Variants in DYNC2I1 observed in about 807,000 individuals in gnomAD.
The protein encoded by DYNC2I1 is dynein 2 intermediate chain 1.
DYNC2I1 carries 89 observed loss-of-function variants against 133.4 expected under a neutral mutation model. The ratio of observed to expected loss-of-function variants is 0.67; its 90% CI spans 0.56 to 0.80. The LOEUF is 0.80. Among genes scored for constraint, DYNC2I1 ranks in the 30% least tolerant of loss-of-function variants. DYNC2I1 has a pLI of 0.00. For missense variants in DYNC2I1, 1,291 were observed against 1,314.5 expected (o/e 0.98, Z 0.28); for synonymous variants, 504 against 484.3 (o/e 1.04, Z -0.54).
chr7:158,905,846 C>A, intron 10 of DYNC2I1, 143 bp from the exon 11 acceptor site: 1 of 645,468 alleles, frequency 1.5e-6, no homozygotes. Context: ...CTCTCAAATG[C>A]TTATGAAAGA....
Position 158,914,337 on chromosome 7 carries a change from A to G in DYNC2I1, c.1791+16A>G, listed in dbSNP as rs758003623. 33 of 1,599,654 alleles carry G rather than the reference A, an allele frequency of 2.1e-5. No individual in the cohort carries two copies. In the Middle Eastern group the frequency reaches 5.0e-4, roughly 24 times the overall value. On this transcript the variant is annotated intron_variant, in intron 14 of 24. Coordinates refer to ENST00000407559, the MANE Select transcript of DYNC2I1 (RefSeq NM_018051.5). Reference sequence around the variant, plus strand: ...TGCTTGTCAGGTATACTCAACCTATATATGTTGTGTTCTCTGTGTAAGTGC... The same window carrying G: ...TGCTTGTCAGGTATACTCAACCTATGTATGTTGTGTTCTCTGTGTAAGTGC...
At position 158,945,572 on chromosome 7, in the gene DYNC2I1, T is replaced by G; in HGVS notation, c.3003-9T>G. The G allele has an allele frequency of 1.3e-6, 2 of 1,597,958 alleles. No individual in the cohort carries two copies. Among genetic ancestry groups the G allele is most frequent in the Non-Finnish European group, 1.7e-6 (2 of 1,172,938 alleles). On this transcript the variant is annotated splice_polypyrimidine_tract_variant and intron_variant, in intron 24 of 24. Transcript: ENST00000407559. This position sits in a 1 kb window ranked among gnomAD's most constrained non-coding sequence, Gnocchi z 4.1. ...CACTGACCCTCTGCTTCTGCCCCTC[T>G]CCCTGCAGGCTGGTGGCCATGGCTG...
At chr7:158,885,974 A>G (rs1844557400) in intron 6 of DYNC2I1, among the ~76,000 whole-genome samples, 1 of 150,812 alleles carries the variant, frequency 6.6e-6, no homozygotes, top group Non-Finnish European at 1.5e-5. Flanking sequence ...ATTAAAATAT[A>G]AAACATTTCA....
intron 6 of DYNC2I1, among the ~76,000 whole-genome samples, chr7:158,886,298 A>AT (rs543676787): frequency 2.9e-3 from 442 of 151,808 alleles, no homozygotes; most frequent in Non-Finnish European, 5.0e-3. Context: ...CGCCTGGCTA[A>AT]TTTTTTTGTA....
chr7:158,841,205 A>ATATATATATG, the DYNC2I1 span, among the ~76,000 whole-genome samples: 3 of 37,218 alleles, frequency 8.1e-5, no homozygotes, highest in African/African-American at 3.0e-4. Context: ...ATATATATAT[A>ATATATATATG]TATATATATA....
intron 8 of DYNC2I1, among the ~76,000 whole-genome samples, chr7:158,899,098 G>A (rs934315585): frequency 1.3e-5 from 2 of 152,002 alleles, no homozygotes; most frequent in African/African-American, 4.8e-5. Flanking sequence ...TAAGTAAAAT[G>A]GCATAGGATT....
intron 11 of DYNC2I1, among the ~76,000 whole-genome samples, chr7:158,909,070 C>T (rs576268140): frequency 3.9e-5 from 6 of 151,938 alleles, no homozygotes; most frequent in Non-Finnish European, 8.8e-5. Context: ...GTGGCTCATG[C>T]CTGTAATCCC....
chr7:158,902,323 A>G, intron 9 of DYNC2I1, 53 bp from the exon 10 acceptor site: 1 of 1,480,490 alleles, frequency 6.8e-7, no homozygotes, highest in Non-Finnish European at 9.3e-7. Flanking sequence ...TATGAGGGAT[A>G]ATTGAAAGTC....
intron 20 of DYNC2I1, 21 bp downstream of exon 20, chr7:158,927,064 T>A (rs750683682): frequency 3.2e-6 from 5 of 1,539,066 alleles, no homozygotes; most frequent in Admixed American, 3.7e-5. Context: ...AGTAAAAAAA[T>A]TAATTTTAGT....
intron 2 of DYNC2I1, among the ~76,000 whole-genome samples, chr7:158,870,377 A>G (rs1046955089): frequency 5.9e-5 from 9 of 151,962 alleles, no homozygotes; most frequent in African/African-American, 2.2e-4. Context: ...TTTTAGAGAC[A>G]GGGTCTTACC....
At chr7:158,918,617 T>C (rs1848712789) in intron 14 of DYNC2I1, 123 bp from the exon 15 acceptor site, 4 of 1,119,276 alleles carry the variant, frequency 3.6e-6, no homozygotes, top group Non-Finnish European at 5.1e-6. Flanking sequence ...CTTGTAGTTA[T>C]GATAGCGTCA....
chr7:158,957,313 G>T (rs572403615), downstream of DYNC2I1, among the ~76,000 whole-genome samples: 152 of 152,314 alleles, frequency 1.0e-3, no homozygotes, highest in African/African-American at 3.2e-3. Flanking sequence ...CCGGCTGCTG[G>T]GGCTGCTCCT....
At chr7:158,915,973 G>T in intron 14 of DYNC2I1, among the ~76,000 whole-genome samples, 1 of 134,508 alleles carries the variant, frequency 7.4e-6, no homozygotes, top group Admixed American at 7.2e-5. Flanking sequence ...TGACATTAAG[G>T]ATGATTGTGA....
chr7:158,915,489 T>G (rs1848036132), intron 14 of DYNC2I1, among the ~76,000 whole-genome samples: 1 of 150,960 alleles, frequency 6.6e-6, no homozygotes, highest in Non-Finnish European at 1.5e-5. Context: ...TAAGGATGAT[T>G]GTGAAACCTC....
chr7:158,887,158 A>G, intron 7 of DYNC2I1, 83 bp downstream of exon 7: 1 of 1,418,734 alleles, frequency 7.0e-7, no homozygotes, highest in Non-Finnish European at 9.9e-7. Context: ...TCCCCTTGAA[A>G]CCAGAGGCCG....
chr7:158,875,513 G>A (rs965235334), intron 3 of DYNC2I1, among the ~76,000 whole-genome samples: 1 of 152,172 alleles, frequency 6.6e-6, no homozygotes, highest in African/African-American at 2.4e-5. Context: ...TTTGTGTGCA[G>A]ATTCAGAAGT....
In DYNC2I1 at chr7:158,871,445, A is replaced by G; in HGVS notation, c.373A>G (p.Lys125Glu). The change falls in exon 3 of 25, where the codon AAA (lysine) becomes GAA (glutamate). Residue 125 changes from lysine (K) to glutamate (E), a missense_variant. By Grantham distance (56) the Lys-to-Glu change is moderately conservative. Transcript: ENST00000407559. Reference protein sequence around the residue: ...HSRGKDREKEKDRRARKEELR... With the variant: ...HSRGKDREKEEDRRARKEELR... The stretch of plus-strand genomic sequence containing the variant: ...CAGAGGAAAGGACAGGGAAAAAGAA[A>G]AAGACAGAAGGGCCCGGAAGGAAGA... 6.4e-7 allele frequency: 1 copy of G among 1,551,054 alleles called. No individual in the cohort carries two copies. Among genetic ancestry groups the G allele is most frequent in the East Asian group, 2.4e-5 (1 of 40,920 alleles).
At chr7:158,920,316 C>T (rs1848924092) in intron 15 of DYNC2I1, among the ~76,000 whole-genome samples, 1 of 147,376 alleles carries the variant, frequency 6.8e-6, no homozygotes, top group Non-Finnish European at 1.5e-5. Flanking sequence ...TGTGTGCATA[C>T]TGCAGCGCCG....
Position 158,872,947 on chromosome 7 carries a change from C to T in DYNC2I1, c.490+1385C>T, listed in dbSNP as rs190522304. 1.4e-3 allele frequency among the ~76,000 whole-genome samples: 218 copies of T among 151,234 alleles called. 1 individual carries two copies. Among genetic ancestry groups the T allele is most frequent in the South Asian group, 0.013 (62 of 4,786 alleles). On this transcript the variant is annotated intron_variant, in intron 3 of 24. Transcript: ENST00000407559. ...AGGAGGTTGCAATGAGCTGAGATCACGCCACTACACTCCAGCCTGGGTGAC... is the reference window on the plus strand; with the variant it reads ...AGGAGGTTGCAATGAGCTGAGATCATGCCACTACACTCCAGCCTGGGTGAC...
Sources: gnomAD v4.1 joint callset for allele counts (sites outside exome capture counted in the v4.1 genomes callset) on GRCh38, gnomAD v4.1.1 for gene constraint, Gnocchi (gnomAD v3.1) non-coding constraint, MANE v1.5 for transcripts, NCBI Gene and HGNC (gene_info 2026-07-23, HGNC 2026-07-21) for gene names.